The following NFASC variants were observed in gnomAD, a reference collection of about 807,000 sequenced individuals.
The protein encoded by NFASC is neurofascin homolog.
A neutral mutation model predicts 147.5 loss-of-function variants in NFASC; 43 were observed. That is an observed-to-expected ratio of 0.29 (90% CI 0.23 to 0.38). NFASC has a LOEUF of 0.38. Among genes scored for constraint, NFASC ranks in the 10% least tolerant of loss-of-function variants. NFASC has a pLI of 1.00. For missense variants in NFASC, 1,320 were observed against 1,689.0 expected, an observed-to-expected ratio of 0.78 and a Z score of 3.83; for synonymous variants, 622 against 665.5, an observed-to-expected ratio of 0.93 and a Z score of 1.01.
rs146998378 is a variant in NFASC, at chr1:204,872,514, T to C, written c.-200+43732T>C. Among the ~76,000 whole-genome samples the C allele has an allele frequency of 4.0e-4, 61 of 152,320 alleles. No homozygotes were observed. The East Asian group carries it at 9.1e-3, about 23-fold the overall frequency. On this transcript the variant is annotated intron_variant, in intron 1 of 29. Transcript: ENST00000339876. ...CAGCTGGGGCTGGGGAGCGCAGGCTTGTGTGTGGTCAACTCAACCGCAGTC... is the reference window on the plus strand; with the variant it reads ...CAGCTGGGGCTGGGGAGCGCAGGCTCGTGTGTGGTCAACTCAACCGCAGTC...
At chr1:204,932,175 G>C (rs1382545986) in intron 2 of NFASC, among the ~76,000 whole-genome samples, 1 of 152,152 alleles carries the variant, frequency 6.6e-6, no homozygotes, top group Non-Finnish European at 1.5e-5. Flanking sequence ...TAAAGGTCTT[G>C]CTTTTAGTGA....
intron 3 of NFASC, chr1:204,946,370 A>G (rs758100198): frequency 4.0e-6 from 2 of 505,270 alleles, no homozygotes; most frequent in East Asian, 5.6e-5. Context: ...GAAGCGACAG[A>G]GCCGGGATAG....
chr1:204,851,240 C>CT (rs1183073423), intron 1 of NFASC, among the ~76,000 whole-genome samples: 1 of 152,040 alleles, frequency 6.6e-6, no homozygotes, highest in African/African-American at 2.4e-5. Context: ...ATTTTTAAAC[C>CT]TTAACATTTG....
At chr1:204,989,907 G>T (rs2095687665) in intron 23 of NFASC, 1 of 152,262 alleles carries the variant, frequency 6.6e-6, no homozygotes, top group Non-Finnish European at 1.5e-5. Context: ...CCACAGAAGG[G>T]TCAGGTCCCG....
Position 204,995,171 on chromosome 1 carries a change from G to T in NFASC, c.2783-1999G>T, listed in dbSNP as rs73077315. Among the ~76,000 whole-genome samples the T allele has an allele frequency of 4.0e-3, 610 of 152,238 alleles. 3 individuals carry two copies. Among genetic ancestry groups the T allele is most frequent in the African/African-American group, 0.014 (582 of 41,522 alleles). ...TCCTGCCCAAGTAGACAAAATAATTGCTCCAGGTCTGTGCCAGCAGCACAG... is the reference window on the plus strand; with the variant it reads ...TCCTGCCCAAGTAGACAAAATAATTTCTCCAGGTCTGTGCCAGCAGCACAG... On this transcript the variant is annotated intron_variant, in intron 24 of 29. Transcript: ENST00000339876.
intron 1 of NFASC, among the ~76,000 whole-genome samples, chr1:204,849,369 G>A (rs898550336): frequency 1.3e-5 from 2 of 152,204 alleles, no homozygotes; most frequent in African/African-American, 4.8e-5. Flanking sequence ...AGCTTCAAGA[G>A]ACGTTAAAAA....
chr1:204,922,051 C>T (rs2090593353), intron 2 of NFASC, among the ~76,000 whole-genome samples: 1 of 152,130 alleles, frequency 6.6e-6, no homozygotes, highest in Non-Finnish European at 1.5e-5. Flanking sequence ...GCATGCCATT[C>T]TTTTACTACA....
intron 3 of NFASC, chr1:204,947,166 C>A: frequency 4.0e-6 from 1 of 248,224 alleles, no homozygotes; most frequent in South Asian, 4.7e-5. Flanking sequence ...GGCTTCTGGT[C>A]TGAGCCCATA....
chr1:204,969,057 G>C, intron 10 of NFASC, 75 bp downstream of exon 10: 1 of 1,399,652 alleles, frequency 7.1e-7, no homozygotes, highest in South Asian at 1.3e-5. Context: ...CTCTGAGGGT[G>C]GTTGGGGGCA....
chr1:204,904,186 C>A (rs2085278681), intron 1 of NFASC, among the ~76,000 whole-genome samples: 1 of 152,216 alleles, frequency 6.6e-6, no homozygotes, highest in Non-Finnish European at 1.5e-5. Flanking sequence ...CAGCCTCCAC[C>A]TCCCAGCCTC....
At chr1:204,893,910 A>G (rs1230517961) in intron 1 of NFASC, among the ~76,000 whole-genome samples, 1 of 152,258 alleles carries the variant, frequency 6.6e-6, no homozygotes, top group African/African-American at 2.4e-5. Flanking sequence ...TTAGATGGCT[A>G]ACAACGCCCA....
At position 205,016,377 on chromosome 1, in the gene NFASC, T is replaced by C. The variant is rs760504050; in HGVS notation, c.3561T>C (p.Ser1187=). The change falls in exon 30 of 30, where the codon AGT becomes AGC. Residue 1187 remains serine, a synonymous_variant. Coordinates refer to ENST00000339876, the MANE Select transcript of NFASC (RefSeq NM_001005388.3). This position sits in a 1 kb window ranked among gnomAD's most constrained non-coding sequence, Gnocchi z 5.1. ...ACGGCACCATCAAGCAGCAGGAGAG[T>C]GACGACAGCCTGGTGGACTATGGCG... ...SLDGTIKQQE[S]DDSLVDYGEG... 1.9e-6 allele frequency: 3 copies of C among 1,613,442 alleles called. No individual in the cohort carries two copies. Among genetic ancestry groups the C allele is most frequent in the South Asian group, 2.2e-5 (2 of 91,056 alleles).
chr1:204,885,046 G>T (rs1009004982), intron 1 of NFASC, among the ~76,000 whole-genome samples: 2 of 152,086 alleles, frequency 1.3e-5, no homozygotes, highest in African/African-American at 2.4e-5. Flanking sequence ...AGAATCACGT[G>T]AGACCAAGAG....
chr1:204,977,279 C>A, intron 16 of NFASC: 1 of 305,818 alleles, frequency 3.3e-6, no homozygotes, highest in Non-Finnish European at 5.3e-6. Flanking sequence ...TCCTGTCCTG[C>A]ACCCAGGCTG....
chr1:204,997,145 C>T lies in NFASC; in HGVS notation c.2783-25C>T, dbSNP rs201799990. The T allele has an allele frequency of 1.2e-3, 1,889 of 1,594,298 alleles. 12 individuals are homozygous for T. Among genetic ancestry groups the T allele is most frequent in the African/African-American group, 3.9e-3 (291 of 74,782 alleles). On this transcript the variant is annotated intron_variant, in intron 24 of 29. Coordinates refer to ENST00000339876, the MANE Select transcript of NFASC (RefSeq NM_001005388.3). ...TGGGCACAGCCAAACCAACCAGACT[C>T]GGCTGTTTTACATTTCCCTCTCAGC... is the stretch of plus-strand genomic sequence containing the variant.
At chr1:204,870,750 C>A (rs986323983) in intron 1 of NFASC, 16 of 1,153,140 alleles carry the variant, frequency 1.4e-5, no homozygotes, top group African/African-American at 1.6e-5. Context: ...CCATTCACGG[C>A]ACTCTCAGAG....
chr1:205,013,869 A>C (rs1340324114), intron 29 of NFASC, among the ~76,000 whole-genome samples: 1 of 152,118 alleles, frequency 6.6e-6, no homozygotes, highest in Non-Finnish European at 1.5e-5. Context: ...GCACAATCAG[A>C]TCAATGTGTG....
At chr1:204,866,130 G>C (rs560388760) in intron 1 of NFASC, among the ~76,000 whole-genome samples, 2 of 152,168 alleles carry the variant, frequency 1.3e-5, no homozygotes, top group African/African-American at 4.8e-5. Context: ...CTTGGAGATT[G>C]CTTCTTGCTT....
At chr1:204,969,210 T>G (rs2095114498) in intron 10 of NFASC, among the ~76,000 whole-genome samples, 1 of 152,134 alleles carries the variant, frequency 6.6e-6, no homozygotes, top group African/African-American at 2.4e-5. Flanking sequence ...CTGGCCATCA[T>G]CCAACTCTCC....
Sources: gnomAD v4.1 joint callset for allele counts (sites outside exome capture counted in the v4.1 genomes callset) on GRCh38, gnomAD v4.1.1 for gene constraint, Gnocchi (gnomAD v3.1) non-coding constraint, MANE v1.5 for transcripts, NCBI Gene and HGNC (gene_info 2026-07-23, HGNC 2026-07-21) for gene names.